DHRSX: variants seen among roughly 807,000 people sequenced by gnomAD.
The protein encoded by DHRSX is polyprenol dehydrogenase.
A neutral mutation model predicts 34.0 loss-of-function variants in DHRSX; 31 were observed. That is an observed-to-expected ratio of 0.91 (90% confidence interval 0.69 to 1.23). The LOEUF is 1.23. DHRSX is among the 50% of genes most tolerant of loss of function. DHRSX has a pLI of 0.00. For synonymous variants in DHRSX, 201 were observed against 183.8 expected (o/e 1.09, Z -0.76); for missense variants, 414 against 428.1 (o/e 0.97, Z 0.29).
At chrX:2,489,504 G>C in intron 1 of DHRSX, 1 of 1,613,302 alleles carries the variant, frequency 6.2e-7, no homozygotes, top group South Asian at 1.1e-5. Context: ...TCGGCCACCT[G>C]CTTGAAGGGC....
At chrX:2,314,515 G>A (rs1455738797) in intron 3 of DHRSX, among the ~76,000 whole-genome samples, 1 of 111,710 alleles carries the variant, frequency 9.0e-6, no homozygotes, top group Non-Finnish European at 2.1e-5. Context: ...AAGGGAGGGA[G>A]GGAGGAAAGG....
At chrX:2,490,467 G>A (rs2045107522) in intron 1 of DHRSX, 1 of 1,613,986 alleles carries the variant, frequency 6.2e-7, no homozygotes, top group East Asian at 2.2e-5. Context: ...TCACGCATCT[G>A]CTCCGTGTTG....
At chrX:2,450,435 C>G (rs988454117) in intron 1 of DHRSX, among the ~76,000 whole-genome samples, 4 of 151,962 alleles carry the variant, frequency 2.6e-5, no homozygotes, top group Admixed American at 6.6e-5. Context: ...GTACTCCAGG[C>G]TTGGCAACAA....
intron 3 of DHRSX, among the ~76,000 whole-genome samples, chrX:2,385,216 C>T (rs1277755350): frequency 2.6e-5 from 4 of 151,834 alleles, no homozygotes; most frequent in African/African-American, 9.7e-5. Context: ...ACCATCATCA[C>T]CATCATCATC....
rs375442586 is a variant in DHRSX at position 2,382,489 on chromosome X, CCAT to C, written c.286+26253_286+26255del. ...ACCATCACCAACATCATAGCCACCA[CCAT>C]CATCATTACCATCATCACCATCACC... On this transcript the variant is annotated intron_variant, in intron 3 of 6. Coordinates refer to ENST00000334651, the MANE Select transcript of DHRSX (RefSeq NM_145177.3). 8.2e-4 allele frequency among the ~76,000 whole-genome samples: 121 copies of C among 147,636 alleles called. 5 individuals carry two copies. The highest frequency in any genetic ancestry group is 2.8e-3 in the African/African-American group (113 of 40,020).
chrX:2,495,322 G>A (rs960315816), intron 1 of DHRSX, among the ~76,000 whole-genome samples: 3 of 151,360 alleles, frequency 2.0e-5, no homozygotes, highest in East Asian at 1.9e-4. Context: ...GCTGAAAGAC[G>A]CCCCAGTACC....
chrX:2,219,904 T>C lies in DHRSX; in HGVS notation c.*1137A>G, dbSNP rs187712703. ...AAGGATTGAGCCTTCCTTGCCTGGC[T>C]GGTGAGTAAGAGTGAGCCTCTATAC... On this transcript the variant is annotated 3_prime_UTR_variant, in exon 7 of 7. Transcript: ENST00000334651. 6.6e-6 allele frequency: 1 copy of C among 152,306 alleles called. No individual in the cohort carries two copies. Among genetic ancestry groups the C allele is most frequent in the African/African-American group, 2.4e-5 (1 of 41,576 alleles). The allele number at this position is 152,306 out of a possible 1,614,324, so 9.4% of individuals were successfully genotyped here. A position where few individuals can be genotyped will look rare whatever the true frequency, so the allele number is the denominator to read the frequency against.
chrX:2,341,207 C>G (rs1274536020), intron 3 of DHRSX, among the ~76,000 whole-genome samples: 1 of 152,078 alleles, frequency 6.6e-6, no homozygotes, highest in Non-Finnish European at 1.5e-5. Flanking sequence ...AGCTGAATCA[C>G]CGCACACGCT....
chrX:2,282,591 GAAAGAGGGGAGAGAGAA>G, intron 4 of DHRSX, among the ~76,000 whole-genome samples: 1 of 112,536 alleles, frequency 8.9e-6, no homozygotes, highest in African/African-American at 3.3e-5. Context: ...AGAGAGAGAA[GAAAGAGGGGAGAGAGAA>G]GAAAGAGGGG....
intron 1 of DHRSX, among the ~76,000 whole-genome samples, chrX:2,454,396 A>G (rs992562359): frequency 4.6e-5 from 7 of 152,000 alleles, no homozygotes; most frequent in Non-Finnish European, 7.4e-5. Context: ...GTGTGGTGGC[A>G]GGCACCTGTA....
intron 3 of DHRSX, among the ~76,000 whole-genome samples, chrX:2,393,513 G>A (rs112763307): frequency 0.034 from 3,590 of 105,058 alleles, 145 homozygotes; most frequent in African/African-American, 0.14. Context: ...GGACCTCCCC[G>A]TCTCCTCCGC....
intron 3 of DHRSX, among the ~76,000 whole-genome samples, chrX:2,406,269 G>A (rs2043554426): frequency 6.6e-6 from 1 of 151,934 alleles, no homozygotes; most frequent in Admixed American, 6.6e-5. Flanking sequence ...TCCAGCCTAG[G>A]TGACAGAGTG....
chrX:2,474,068 A>G (rs1292362962), intron 1 of DHRSX, among the ~76,000 whole-genome samples: 6 of 152,078 alleles, frequency 3.9e-5, no homozygotes, highest in Non-Finnish European at 5.9e-5. Context: ...GACAGAGGAA[A>G]GGGATTCCAC....
rs756088181 is a variant in DHRSX at position 2,221,033 on chromosome X, A to T, written c.*8T>A. 1 of 1,612,442 alleles carries T rather than the reference A, an allele frequency of 6.2e-7. No individual in the cohort carries two copies. The highest frequency in any genetic ancestry group is 1.1e-5 in the South Asian group (1 of 90,976). On this transcript the variant is annotated 3_prime_UTR_variant, in exon 7 of 7. Coordinates refer to ENST00000334651, the MANE Select transcript of DHRSX (RefSeq NM_145177.3). ...TTCTTGGGGCAGCAGCTATCCTGAG[A>T]CAGGATATCACAGGGTCACATCAAG...
intron 5 of DHRSX, among the ~76,000 whole-genome samples, chrX:2,257,013 G>T (rs1048062042): frequency 2.0e-5 from 3 of 151,986 alleles, no homozygotes; most frequent in African/African-American, 7.2e-5. Context: ...GCAGTGGTGC[G>T]ATCTTGGCTC....
At chrX:2,460,742 C>T (rs1227250850) in intron 1 of DHRSX, among the ~76,000 whole-genome samples, 12 of 152,028 alleles carry the variant, frequency 7.9e-5, no homozygotes, top group Non-Finnish European at 1.5e-5. Context: ...CACCTTATGT[C>T]CAGCTAATTT....
chrX:2,349,895 C>G (rs1456747722), intron 3 of DHRSX, among the ~76,000 whole-genome samples: 7 of 134,792 alleles, frequency 5.2e-5, no homozygotes, highest in African/African-American at 1.8e-4. Context: ...AAAAATTAGC[C>G]AGGCGTGGTG....
intron 3 of DHRSX, among the ~76,000 whole-genome samples, chrX:2,361,547 C>T (rs1410161443): frequency 1.3e-5 from 2 of 152,150 alleles, no homozygotes; most frequent in Non-Finnish European, 2.9e-5. Context: ...TTTGAAACCC[C>T]TCAATTTTCT....
intron 1 of DHRSX, among the ~76,000 whole-genome samples, chrX:2,451,799 C>A (rs1339035773): frequency 6.6e-6 from 1 of 152,192 alleles, no homozygotes; most frequent in East Asian, 1.9e-4. Flanking sequence ...GGGACCGCCA[C>A]TGTGTATGAA....
Sources: gnomAD v4.1 joint callset for allele counts (sites outside exome capture counted in the v4.1 genomes callset) on GRCh38, gnomAD v4.1.1 for gene constraint, MANE v1.5 for transcripts, NCBI Gene and HGNC (gene_info 2026-07-23, HGNC 2026-07-21) for gene names.